Variants in SAV1 observed in about 807,000 individuals in gnomAD.
The protein encoded by SAV1 is salvador family WW domain containing protein 1.
In SAV1, 23 loss-of-function variants were observed where a neutral mutation model predicts 47.3. The ratio of observed to expected loss-of-function variants is 0.49; its 90% CI spans 0.35 to 0.69. The LOEUF (loss-of-function observed/expected upper bound fraction) is 0.69, where lower values mean the gene tolerates loss of function less well. SAV1 is among the 30% of genes least tolerant of loss of function. The pLI is 0.01. For missense variants in SAV1, 448 were observed against 457.4 expected (o/e 0.98, Z 0.19); for synonymous variants, 155 against 159.2 (o/e 0.97, Z 0.20).
At chr14:50,657,488 A>G (rs539671505) in intron 2 of SAV1, among the ~76,000 whole-genome samples, 1 of 152,358 alleles carries the variant, frequency 6.6e-6, no homozygotes, top group Admixed American at 6.5e-5. Context: ...AACAAGTGGT[A>G]TAAGGTCAAA....
chr14:50,659,392 T>C (rs1197351327), intron 2 of SAV1, among the ~76,000 whole-genome samples: 1 of 152,140 alleles, frequency 6.6e-6, no homozygotes. Context: ...AAAATTACGG[T>C]AGGGGCCCGA....
At chr14:50,658,045 G>C (rs191719219) in intron 2 of SAV1, among the ~76,000 whole-genome samples, 2 of 152,274 alleles carry the variant, frequency 1.3e-5, no homozygotes, top group East Asian at 3.9e-4. Flanking sequence ...ATTAGCATGT[G>C]TTATAATCAA....
chr14:50,652,330 AG>A (rs1423914869), intron 2 of SAV1, among the ~76,000 whole-genome samples: 1 of 152,266 alleles, frequency 6.6e-6, no homozygotes, highest in Non-Finnish European at 1.5e-5. Flanking sequence ...ATTTCCAGAA[AG>A]CAACAAAACA....
chr14:50,667,816 G>A, intron 1 of SAV1, 58 bp downstream of exon 1: 2 of 1,423,900 alleles, frequency 1.4e-6, no homozygotes, highest in Non-Finnish European at 2.0e-6. Flanking sequence ...CCCCGCCAGG[G>A]TCCCCGGAGC....
At chr14:50,661,094 T>C (rs990916730) in intron 2 of SAV1, among the ~76,000 whole-genome samples, 2 of 152,220 alleles carry the variant, frequency 1.3e-5, no homozygotes, top group Admixed American at 6.5e-5. Flanking sequence ...TCTGTAACAG[T>C]TGCCTTTTCT....
intron 1 of SAV1, chr14:50,667,594 A>T (rs2039913551): frequency 4.0e-6 from 2 of 499,346 alleles, no homozygotes; most frequent in South Asian, 4.2e-5. Context: ...CTCTTCCAGT[A>T]ATCAAAACCA....
chr14:50,647,541 T>C (rs2039732652), intron 2 of SAV1, among the ~76,000 whole-genome samples: 1 of 152,058 alleles, frequency 6.6e-6, no homozygotes, highest in African/African-American at 2.4e-5. Context: ...CACTCCGGTC[T>C]GTGCAACAGA....
At chr14:50,655,940 G>C (rs193101352) in intron 2 of SAV1, among the ~76,000 whole-genome samples, 81 of 152,292 alleles carry the variant, frequency 5.3e-4, no homozygotes, top group African/African-American at 1.8e-3. Context: ...AGCTACTAGA[G>C]AGGATGAGGC....
intron 1 of SAV1, among the ~76,000 whole-genome samples, 194 bp from the exon 2 acceptor site, chr14:50,665,813 ATT>A (rs1566749371): frequency 6.6e-6 from 1 of 152,234 alleles, no homozygotes; most frequent in Non-Finnish European, 1.5e-5. Flanking sequence ...AATCAAATGA[ATT>A]TATATAACTT....
chr14:50,644,851 T>C lies in SAV1; in HGVS notation c.699A>G (p.Arg233=). 6.2e-7 allele frequency: 1 copy of C among 1,614,192 alleles called. No homozygotes were observed. Among genetic ancestry groups the C allele is most frequent in the Non-Finnish European group, 8.5e-7 (1 of 1,180,030 alleles). The change falls in exon 3 of 5, where the codon CGA becomes CGG. Residue 233 remains arginine, a synonymous_variant. Coordinates refer to ENST00000324679, the MANE Select transcript of SAV1 (RefSeq NM_021818.4). Reference sequence around the variant, plus strand: ...GTTCCCATCCAGGAGGAAGTCCTTCTCGCTCAAGAGGATGGCTCCAGTGAG... The same window carrying C: ...GTTCCCATCCAGGAGGAAGTCCTTCCCGCTCAAGAGGATGGCTCCAGTGAG... The part of the protein sequence containing the change: ...NTTHWSHPLE[R]EGLPPGWERV...
At chr14:50,647,296 A>G (rs973330411) in intron 2 of SAV1, among the ~76,000 whole-genome samples, 4 of 152,322 alleles carry the variant, frequency 2.6e-5, no homozygotes, top group African/African-American at 9.6e-5. Flanking sequence ...TAAGAGAAAG[A>G]AAATCAAGCT....
intron 2 of SAV1, among the ~76,000 whole-genome samples, chr14:50,652,143 A>T (rs2039774669): frequency 6.6e-6 from 1 of 152,226 alleles, no homozygotes; most frequent in South Asian, 2.1e-4. Flanking sequence ...CCTAAGGCAA[A>T]AAGAAGGTAG....
rs187702701 is a variant in SAV1 at position 50,649,852 on chromosome 14, T to A, written c.536-4838A>T. ...GGCCCTAACTGCCAAATTTAGAATA[T>A]CTCAGAATGGTCAAAATAAGAAAGA... On this transcript the variant is annotated intron_variant, in intron 2 of 4. Coordinates refer to ENST00000324679, the MANE Select transcript of SAV1 (RefSeq NM_021818.4). Among the ~76,000 whole-genome samples the A allele has an allele frequency of 1.4e-4, 21 of 152,280 alleles. No homozygotes were observed. In the East Asian group the frequency reaches 3.9e-3, roughly 28 times the overall value.
chr14:50,637,490 G>A (rs1566739378), intron 4 of SAV1, among the ~76,000 whole-genome samples: 1 of 152,038 alleles, frequency 6.6e-6, no homozygotes, highest in Non-Finnish European at 1.5e-5. Context: ...ATTTATACCA[G>A]GTGAACTACA....
At chr14:50,644,706 C>A (rs752050934) in intron 3 of SAV1, 38 bp downstream of exon 3, 27 of 1,575,544 alleles carry the variant, frequency 1.7e-5, no homozygotes, top group Non-Finnish European at 2.0e-5. Context: ...ATTAGACAAT[C>A]CCGAAACAAA....
At chr14:50,641,216 G>A (rs934944552) in intron 3 of SAV1, among the ~76,000 whole-genome samples, 97 of 152,286 alleles carry the variant, frequency 6.4e-4, no homozygotes, top group Non-Finnish European at 1.8e-4. Flanking sequence ...TTCTAAGAAA[G>A]GATGTTTCCT....
Position 50,648,703 on chromosome 14 carries a change from G to A in SAV1, c.536-3689C>T, listed in dbSNP as rs377643529. Among the ~76,000 whole-genome samples the A allele has an allele frequency of 1.2e-4, 19 of 152,142 alleles. 1 individual carries two copies. The highest frequency in any genetic ancestry group is 4.2e-4 in the South Asian group (2 of 4,814). On this transcript the variant is annotated intron_variant, in intron 2 of 4. Transcript: ENST00000324679. ...TGAGACAGGAGAATGGCGTGAACCC[G>A]GGAGGCGGAGGTTGCAGTGAGCCGA...
intron 2 of SAV1, among the ~76,000 whole-genome samples, chr14:50,661,255 CTTCTT>C (rs2039857837): frequency 6.6e-6 from 1 of 152,148 alleles, no homozygotes. Context: ...ATTTGTATGT[CTTCTT>C]TTGAGAAACG....
At chr14:50,660,237 T>C (rs2039847175) in intron 2 of SAV1, among the ~76,000 whole-genome samples, 1 of 152,226 alleles carries the variant, frequency 6.6e-6, no homozygotes, top group African/African-American at 2.4e-5. Flanking sequence ...TTGATAACCC[T>C]ATGATCTCAT....
Sources: gnomAD v4.1 joint callset for allele counts (sites outside exome capture counted in the v4.1 genomes callset) on GRCh38, gnomAD v4.1.1 for gene constraint, MANE v1.5 for transcripts, NCBI Gene and HGNC (gene_info 2026-07-23, HGNC 2026-07-21) for gene names.